Variants in BRWD1 observed in about 807,000 individuals in gnomAD.
The protein encoded by BRWD1 is bromodomain and WD repeat-containing protein 1.
In BRWD1, 82 loss-of-function variants were observed where a neutral mutation model predicts 251.2. The ratio of observed to expected loss-of-function variants is 0.33; its 90% CI spans 0.27 to 0.39. The LOEUF (loss-of-function observed/expected upper bound fraction) is 0.39. Among genes scored for constraint, BRWD1 ranks in the 10% least tolerant of loss-of-function variants. The pLI is 1.00. For synonymous variants in BRWD1, 918 were observed against 902.8 expected, an observed-to-expected ratio of 1.02 and a Z score of -0.30; for missense variants, 2,233 against 2,711.6, an observed-to-expected ratio of 0.82 and a Z score of 3.92.
rs561331739 is a variant in BRWD1, at chr21:39,218,196, G to C, written c.3615C>G (p.Thr1205=). 1.2e-6 allele frequency: 2 copies of C among 1,611,358 alleles called. No individual in the cohort carries two copies. The highest frequency in any genetic ancestry group is 2.7e-5 in the African/African-American group (2 of 74,810). ...GTCTCATTCGAATTGTGTAAAGATC[G>C]GTTGGATAAGCTACTACAGTACAGT... ...PKYCTVVAYP[T]DLYTIRMRLV... Residue 1205 remains threonine, a synonymous_variant, in exon 31 of 41, where the codon ACC becomes ACG. Transcript: ENST00000342449.
At chr21:39,241,560 C>T (rs1289271861) in intron 21 of BRWD1, among the ~76,000 whole-genome samples, 1 of 127,534 alleles carries the variant, frequency 7.8e-6, no homozygotes, top group Admixed American at 8.8e-5. Context: ...TTTCTCTGTA[C>T]AGAAGGGAAG....
At chr21:39,243,631 T>C (rs1442663484) in intron 21 of BRWD1, among the ~76,000 whole-genome samples, 1 of 152,080 alleles carries the variant, frequency 6.6e-6, no homozygotes, top group Non-Finnish European at 1.5e-5. Flanking sequence ...CTCATTTTTT[T>C]GTGGAGGAGG....
intron 21 of BRWD1, among the ~76,000 whole-genome samples, chr21:39,242,896 G>A (rs1424679531): frequency 6.6e-6 from 1 of 152,182 alleles, no homozygotes; most frequent in Non-Finnish European, 1.5e-5. Context: ...CAGACCTACT[G>A]AGCAGAAAAA....
chr21:39,236,585 T>A lies in BRWD1; in HGVS notation c.2766+10A>T, dbSNP rs2033819128. The stretch of plus-strand genomic sequence containing the variant: ...GATACATGCTATTTTTAAAGATACG[T>A]TTTTCTTACCTCCTTCTTAGGCTTA... On this transcript the variant is annotated intron_variant, in intron 23 of 40. Coordinates refer to ENST00000342449, the MANE Select transcript of BRWD1 (RefSeq NM_033656.4). 1 of 1,573,480 alleles carries A rather than the reference T, an allele frequency of 6.4e-7. No individual in the cohort carries two copies. The highest frequency in any genetic ancestry group is 1.9e-5 in the Admixed American group (1 of 53,304).
At chr21:39,212,955 T>C (rs1243266204) in intron 33 of BRWD1, among the ~76,000 whole-genome samples, 1 of 152,124 alleles carries the variant, frequency 6.6e-6, no homozygotes, top group Admixed American at 6.6e-5. Flanking sequence ...AAATTACAGC[T>C]ATAAAAAGAC....
chr21:39,277,299 A>C lies in BRWD1; in HGVS notation c.1056T>G (p.Phe352Leu). Residue 352 changes from phenylalanine to leucine, a missense_variant, in exon 11 of 41, where the codon TTT (phenylalanine) becomes TTG (leucine). Coordinates refer to ENST00000342449, the MANE Select transcript of BRWD1 (RefSeq NM_033656.4). ...TTTTTTCGGGTGCTTCAAAACCCAA[A>C]AAATACATTCTGATTACATGATCAG... ...GSTDHVIRMY[F>L]LGFEAPEKIA... 1 of 1,611,804 alleles carries C rather than the reference A, an allele frequency of 6.2e-7. No homozygotes were observed. Among genetic ancestry groups the C allele is most frequent in the East Asian group, 2.2e-5 (1 of 44,762 alleles).
intron 4 of BRWD1, among the ~76,000 whole-genome samples, chr21:39,299,809 T>C (rs2036058767): frequency 3.5e-5 from 1 of 28,336 alleles, no homozygotes; most frequent in African/African-American, 1.3e-4. Context: ...ATCCCATCTC[T>C]ACTAAAAAAA....
chr21:39,263,701 G>C (rs1370189092), intron 17 of BRWD1, among the ~76,000 whole-genome samples: 1 of 152,156 alleles, frequency 6.6e-6, no homozygotes, highest in Admixed American at 6.5e-5. Flanking sequence ...AGTAACAACC[G>C]ATTCAGGCAA....
intron 5 of BRWD1, chr21:39,296,735 G>C: frequency 1.3e-5 from 10 of 753,834 alleles, no homozygotes; most frequent in Non-Finnish European, 1.5e-5. Context: ...CAAATGATTG[G>C]TAAAAGATGG....
rs1262691537 is a variant in BRWD1 at position 39,187,929 on chromosome 21, G to A, written c.*8330C>T. On this transcript the variant is annotated 3_prime_UTR_variant, in exon 41 of 41. Transcript: ENST00000342449. The stretch of plus-strand genomic sequence containing the variant: ...GCTTCCTTTAAGGAAGCTTTTAGAC[G>A]AGAGGTGAAAATTGTGAAGGGATTT... The A allele has an allele frequency of 2.1e-5, 21 of 981,696 alleles. No individual in the cohort carries two copies. The highest frequency in any genetic ancestry group is 1.1e-4 in the East Asian group (1 of 8,792). 60.8% of individuals were successfully genotyped at this position (981,696 alleles called of 1,614,324 possible).
intron 21 of BRWD1, among the ~76,000 whole-genome samples, chr21:39,242,860 T>C (rs1180130311): frequency 1.3e-5 from 2 of 152,170 alleles, no homozygotes; most frequent in African/African-American, 2.4e-5. Flanking sequence ...ACAGCATGGT[T>C]TACCAGATAT....
At position 39,196,810 on chromosome 21, in the gene BRWD1, C is replaced by T; in HGVS notation, c.6259G>A (p.Val2087Met). Residue 2087 changes from valine (V) to methionine (M), a missense_variant, in exon 41 of 41, where the codon GTG becomes ATG. By Grantham distance (21) the Val-to-Met change is conservative. This residue lies in a region of BRWD1 where 928 missense variants were observed against 970.0 expected (regional missense o/e 0.96). Coordinates refer to ENST00000342449, the MANE Select transcript of BRWD1 (RefSeq NM_033656.4). ...CTGCGCAGCCCATAATTCAGTTCCA[C>T]TTCAAAATTATTCTCTGCAGTAGCT... ...QKATAENNFE[V>M]ELNYGLRRWN... 2 of 1,613,392 alleles carry T rather than the reference C, an allele frequency of 1.2e-6. No individual in the cohort carries two copies. Among genetic ancestry groups the T allele is most frequent in the Non-Finnish European group, 1.7e-6 (2 of 1,179,940 alleles).
chr21:39,308,481 CAAA>C (rs35833623), intron 4 of BRWD1, among the ~76,000 whole-genome samples: 85 of 107,394 alleles, frequency 7.9e-4, no homozygotes, highest in Non-Finnish European at 1.0e-3. Flanking sequence ...CACCTTGTCT[CAAA>C]AAAAAAAAAA....
chr21:39,305,659 T>TA (rs2036262104), intron 4 of BRWD1, among the ~76,000 whole-genome samples: 1 of 152,036 alleles, frequency 6.6e-6, no homozygotes, highest in Non-Finnish European at 1.5e-5. Flanking sequence ...GGTCAAGAGA[T>TA]AGAGACCATC....
chr21:39,277,829 G>C (rs769925246), intron 10 of BRWD1, among the ~76,000 whole-genome samples: 1 of 152,058 alleles, frequency 6.6e-6, no homozygotes, highest in African/African-American at 2.4e-5. Flanking sequence ...GCCTCCTAAA[G>C]TGTTGGGATT....
In BRWD1 at chr21:39,210,863, T is replaced by C. The variant is rs1191012118; in HGVS notation, c.3967A>G (p.Lys1323Glu). The C allele has an allele frequency of 1.2e-6, 2 of 1,613,034 alleles. No homozygotes were observed. ...TGAAAAATTAAGTTCACTAGTTCCTTACACTGTTTCTTCCAGTTGCTTTCA... is the reference window on the plus strand; with the variant it reads ...TGAAAAATTAAGTTCACTAGTTCCTCACACTGTTTCTTCCAGTTGCTTTCA... ...YVESNWKKQCKELVNLIFQCE... is the reference protein window; with the variant it reads ...YVESNWKKQCEELVNLIFQCE... Residue 1323 changes from lysine (K) to glutamate (E), a missense_variant, in exon 35 of 41, where the codon AAG (lysine) becomes GAG (glutamate). Lys to Glu is a moderately conservative substitution (Grantham distance 56). Around this residue, in one of 12 missense-constraint regions of BRWD1, gnomAD observed 167 missense variants for 183.2 expected, o/e 0.91. Transcript: ENST00000342449.
Position 39,202,392 on chromosome 21 carries a change from T to C in BRWD1, c.4518A>G (p.Ser1506=), listed in dbSNP as rs1351508285. 3 of 1,613,914 alleles carry C rather than the reference T, an allele frequency of 1.9e-6. No homozygotes were observed. The highest frequency in any genetic ancestry group is 2.5e-6 in the Non-Finnish European group (3 of 1,179,922). ...ISSGVTSGDS[S]DSAESSERRK... ...TCCTTTCTGATGATTCTGCTGAATC[T>C]GAAGAGTCACCAGAAGTAACACCTG... Residue 1506 remains serine, a synonymous_variant, in exon 38 of 41, where the codon TCA becomes TCG. Coordinates refer to ENST00000342449, the MANE Select transcript of BRWD1 (RefSeq NM_033656.4).
At chr21:39,250,158 A>T (rs1441251533) in intron 20 of BRWD1, among the ~76,000 whole-genome samples, 1 of 152,110 alleles carries the variant, frequency 6.6e-6, no homozygotes, top group Non-Finnish European at 1.5e-5. Context: ...CTAGACCTGT[A>T]GGTAAACTAC....
chr21:39,313,393 C>A, intron 1 of BRWD1, 50 bp downstream of exon 1: 1 of 1,469,336 alleles, frequency 6.8e-7, no homozygotes, highest in Non-Finnish European at 9.0e-7. Flanking sequence ...CCGGGGAAGC[C>A]GAAGCAGCCG....
Sources: gnomAD v4.1 joint callset for allele counts (sites outside exome capture counted in the v4.1 genomes callset) on GRCh38, gnomAD v4.1.1 for gene constraint, gnomAD v4.1.1 regional missense constraint, MANE v1.5 for transcripts, NCBI Gene and HGNC (gene_info 2026-07-23, HGNC 2026-07-21) for gene names.